Variants in XCR1 observed in about 807,000 individuals in gnomAD.
XCR1 encodes X-C motif chemokine receptor 1.
For missense variants in XCR1, 356 were observed against 424.2 expected, an observed-to-expected ratio of 0.84 and a Z score of 1.41; for synonymous variants, 187 against 188.5, an observed-to-expected ratio of 0.99 and a Z score of 0.06.
chr3:46,052,478 T>G (rs1049163293), intron 5 of XCR1, among the ~76,000 whole-genome samples: 1 of 152,180 alleles, frequency 6.6e-6, no homozygotes, highest in African/African-American at 2.4e-5. Context: ...TTCCCCTGGG[T>G]GGGGCACTGC....
At chr3:46,082,943 C>A (rs1354377229) in intron 1 of XCR1, among the ~76,000 whole-genome samples, 1 of 152,170 alleles carries the variant, frequency 6.6e-6, no homozygotes. Context: ...ACCACAATGA[C>A]CCACTGGTAC....
rs1400706809 is a variant in XCR1, at chr3:46,021,725, G to A, written c.223C>T (p.Leu75Phe). Residue 75 changes from leucine to phenylalanine, a missense_variant, in exon 2 of 2, where the codon CTC becomes TTC. By Grantham distance (22) the Leu-to-Phe change is conservative. Transcript: ENST00000309285. This position sits in a 1 kb window ranked among gnomAD's most constrained non-coding sequence, Gnocchi z 4.7. ...AAGCAGGCGAACACCAGGTCTGAGA[G>A]GCACAGGTTGAGGATGAAGATGTTG... Reference protein sequence around the residue: ...LTNIFILNLCLSDLVFACLLP... With the variant: ...LTNIFILNLCFSDLVFACLLP... 6.2e-7 allele frequency: 1 copy of A among 1,614,084 alleles called. No homozygotes were observed. Among genetic ancestry groups the A allele is most frequent in the Non-Finnish European group, 8.5e-7 (1 of 1,180,026 alleles).
At position 46,021,973 on chromosome 3, in the gene XCR1, G is replaced by C; in HGVS notation, c.-26C>G. ...CTGGACCAGATGGCAGGGACGTTTA[G>C]AGCATCTGAAATGATAGAGACATGG... On this transcript the variant is annotated 5_prime_UTR_variant, in exon 2 of 2. Transcript: ENST00000309285. The surrounding 1 kb of genome is among the most constrained non-coding windows in gnomAD (Gnocchi z 4.7). 1 of 1,586,456 alleles carries C rather than the reference G, an allele frequency of 6.3e-7. No homozygotes were observed. Among genetic ancestry groups the C allele is most frequent in the Non-Finnish European group, 8.6e-7 (1 of 1,167,094 alleles).
At chr3:46,027,260 T>C (rs987472229) in intron 1 of XCR1, among the ~76,000 whole-genome samples, 157 bp downstream of exon 1, 1 of 152,180 alleles carries the variant, frequency 6.6e-6, no homozygotes, top group Admixed American at 6.5e-5. Context: ...GAAATCCCTA[T>C]ACCAAAGGAA....
At chr3:46,043,759 CACAA>C (rs1233022973) in intron 5 of XCR1, among the ~76,000 whole-genome samples, 1 of 142,572 alleles carries the variant, frequency 7.0e-6, no homozygotes, top group Non-Finnish European at 1.6e-5. Context: ...CACACACACA[CACAA>C]GAATGCCTAC....
intron 5 of XCR1, among the ~76,000 whole-genome samples, chr3:46,043,717 TACACACACAC>T (rs144432920): frequency 5.3e-4 from 75 of 141,576 alleles, no homozygotes; most frequent in South Asian, 9.1e-4. Context: ...ACCTCATCTC[TACACACACAC>T]ACACACACAC....
intron 4 of XCR1, among the ~76,000 whole-genome samples, chr3:46,056,344 C>G (rs1697850252): frequency 6.6e-6 from 1 of 152,156 alleles, no homozygotes; most frequent in South Asian, 2.1e-4. Flanking sequence ...CAACCAGCCT[C>G]AAGTTTTCAT....
intron 1 of XCR1, among the ~76,000 whole-genome samples, chr3:46,081,620 T>G (rs1698365491): frequency 1.3e-5 from 2 of 152,228 alleles, no homozygotes; most frequent in South Asian, 4.1e-4. Context: ...TGAAGTAGTT[T>G]TGGCATTGCA....
chr3:46,026,642 G>T (rs981910931), intron 1 of XCR1, among the ~76,000 whole-genome samples: 1 of 150,600 alleles, frequency 6.6e-6, no homozygotes, highest in African/African-American at 2.5e-5. Context: ...GAGTGCAGTG[G>T]TGTGATCTTG....
intron 5 of XCR1, among the ~76,000 whole-genome samples, chr3:46,041,864 T>C (rs1453503927): frequency 6.6e-6 from 1 of 152,212 alleles, no homozygotes; most frequent in Non-Finnish European, 1.5e-5. Flanking sequence ...CCTGTTTTCT[T>C]GTACATTGTT....
chr3:46,019,879 T>C lies in XCR1; in HGVS notation c.*1067A>G, dbSNP rs1296992361. 6.6e-6 allele frequency: 1 copy of C among 152,090 alleles called. No homozygotes were observed. Among genetic ancestry groups the C allele is most frequent in the African/African-American group, 2.4e-5 (1 of 41,366 alleles). 9.4% of individuals were successfully genotyped at this position (152,090 alleles called of 1,614,324 possible). On this transcript the variant is annotated 3_prime_UTR_variant, in exon 2 of 2. Coordinates refer to ENST00000309285, the MANE Select transcript of XCR1 (RefSeq NM_001024644.2). ...AGGAAGTGAGGCCCTGTTTCAGGGA[T>C]GAAACCATGGGCATGCAATGGCAAG...
chr3:46,076,831 C>G (rs567307336), exon 2 of XCR1, among the ~76,000 whole-genome samples: 297 of 152,268 alleles, frequency 2.0e-3, no homozygotes, highest in Middle Eastern at 3.4e-3. Flanking sequence ...AATATTGTCA[C>G]TTCTGAGGAA....
At chr3:46,072,924 T>A (rs547854951) in intron 3 of XCR1, among the ~76,000 whole-genome samples, 2 of 152,128 alleles carry the variant, frequency 1.3e-5, no homozygotes, top group Non-Finnish European at 2.9e-5. Flanking sequence ...AAGGTAGACA[T>A]ATAGATCAGT....
chr3:46,046,573 C>A (rs1697631977), intron 5 of XCR1, among the ~76,000 whole-genome samples: 1 of 152,224 alleles, frequency 6.6e-6, no homozygotes, highest in African/African-American at 2.4e-5. Context: ...GGGCCTTTGG[C>A]TCCCTGCATA....
chr3:46,027,092 G>T (rs1398054948), intron 1 of XCR1, among the ~76,000 whole-genome samples: 1 of 151,714 alleles, frequency 6.6e-6, no homozygotes, highest in Non-Finnish European at 1.5e-5. Flanking sequence ...ATCATGTTAG[G>T]TAAGGAACTC....
intron 2 of XCR1, among the ~76,000 whole-genome samples, chr3:46,076,206 A>G (rs1015323075): frequency 5.3e-5 from 8 of 152,156 alleles, no homozygotes; most frequent in Non-Finnish European, 1.5e-5. Flanking sequence ...CAATTACTCC[A>G]TGTGGTCCTA....
At chr3:46,063,083 A>G (rs1324875544) in intron 4 of XCR1, among the ~76,000 whole-genome samples, 2 of 152,200 alleles carry the variant, frequency 1.3e-5, no homozygotes, top group South Asian at 2.1e-4. Context: ...TAGAATTGCT[A>G]TTGGGATAAA....
chr3:46,023,861 A>G, intron 1 of XCR1: 5 of 1,529,602 alleles, frequency 3.3e-6, no homozygotes, highest in Non-Finnish European at 3.6e-6. Context: ...GTGGCTGAGA[A>G]TGAAAGATTA....
At chr3:46,027,968 A>G (rs4447807), upstream of XCR1, among the ~76,000 whole-genome samples, 24,452 of 152,072 alleles carry the variant, frequency 0.16, 2,114 homozygotes, top group East Asian at 0.26. Flanking sequence ...TCAGCCCCCA[A>G]TTGGTTCTTT....
Sources: gnomAD v4.1 joint callset for allele counts (sites outside exome capture counted in the v4.1 genomes callset) on GRCh38, gnomAD v4.1.1 for gene constraint, Gnocchi (gnomAD v3.1) non-coding constraint, MANE v1.5 for transcripts, NCBI Gene and HGNC (gene_info 2026-07-23, HGNC 2026-07-21) for gene names.